Variants in NBEAL1 observed in about 807,000 individuals in gnomAD.
NBEAL1 encodes neurobeachin-like protein 1.
A neutral mutation model predicts 351.3 loss-of-function variants in NBEAL1; 273 were observed. The observed-to-expected ratio is 0.78, with a 90% CI of 0.70 to 0.86. The LOEUF is 0.86. NBEAL1 is among the 40% of genes least tolerant of loss of function. The pLI is 0.00. For missense variants in NBEAL1, 2,961 were observed against 3,201.3 expected (o/e 0.92, Z 1.81); for synonymous variants, 1,050 against 1,086.4 (o/e 0.97, Z 0.66).
Position 203,218,002 on chromosome 2 carries a change from T to TC in NBEAL1, c.*648_*649insC. ...AGAAAAAAGTGGAACTAGAGATACA[T>TC]TTTACAGATGTATTTCCTTAATAAT... On this transcript the variant is annotated 3_prime_UTR_variant, in exon 56 of 56. Coordinates refer to ENST00000683969, the MANE Select transcript of NBEAL1 (RefSeq NM_001378026.1). 1.2e-6 allele frequency: 1 copy of TC among 817,030 alleles called. No homozygotes were observed. Among genetic ancestry groups the TC allele is most frequent in the Non-Finnish European group, 1.5e-6 (1 of 676,524 alleles). 50.6% of individuals were successfully genotyped at this position (817,030 alleles called of 1,614,324 possible). A position where few individuals can be genotyped will look rare whatever the true frequency, so the allele number is the denominator to read the frequency against.
chr2:203,217,237 G>A lies in NBEAL1; in HGVS notation c.8071-16G>A. ...CTTAATATTTATTCTTCATTTCTTT[G>A]GATTACTTTACACAGATGCGTTCAG... On this transcript the variant is annotated splice_polypyrimidine_tract_variant and intron_variant, in intron 55 of 55. Transcript: ENST00000683969. The A allele has an allele frequency of 1.4e-6, 2 of 1,458,410 alleles. No homozygotes were observed. The highest frequency in any genetic ancestry group is 1.5e-5 in the South Asian group (1 of 65,458). The allele number at this position is 1,458,410 out of a possible 1,614,324, so 90.3% of individuals were successfully genotyped here.
At chr2:203,096,003 C>T (rs749556843) in intron 10 of NBEAL1, among the ~76,000 whole-genome samples, 34 of 152,114 alleles carry the variant, frequency 2.2e-4, no homozygotes, top group Non-Finnish European at 2.9e-4. Context: ...GTGATCCGCC[C>T]ACCTCAGCCT....
Position 203,193,891 on chromosome 2 carries a change from C to T in NBEAL1, c.7018C>T (p.Leu2340Phe). The T allele has an allele frequency of 1.2e-6, 2 of 1,605,918 alleles. No individual in the cohort carries two copies. Among genetic ancestry groups the T allele is most frequent in the Non-Finnish European group, 1.7e-6 (2 of 1,174,576 alleles). The change falls in exon 47 of 56, where the codon CTC becomes TTC. Residue 2340 changes from leucine to phenylalanine, a missense_variant. Coordinates refer to ENST00000683969, the MANE Select transcript of NBEAL1 (RefSeq NM_001378026.1). The stretch of plus-strand genomic sequence containing the variant: ...AAACCTGTTTCAACACCTTCCTGAA[C>T]TCAAGTCATTTTTTATAGAGGTAAT... ...TLNLFQHLPE[L>F]KSFFIEGISD...
intron 36 of NBEAL1, among the ~76,000 whole-genome samples, chr2:203,163,620 C>T (rs2064036214): frequency 6.6e-6 from 1 of 152,124 alleles, no homozygotes; most frequent in East Asian, 1.9e-4. Flanking sequence ...TTTTCCACTA[C>T]AGATTAATTT....
chr2:203,125,664 C>A, intron 20 of NBEAL1, 144 bp downstream of exon 20: 1 of 797,786 alleles, frequency 1.3e-6, no homozygotes. Context: ...TAATATCATT[C>A]AGAAAGTTTA....
chr2:203,065,620 C>T (rs1259305688), intron 6 of NBEAL1, among the ~76,000 whole-genome samples: 8 of 151,994 alleles, frequency 5.3e-5, no homozygotes, highest in Non-Finnish European at 7.4e-5. Context: ...GGTGTGGTGG[C>T]GGGCGCCTGT....
chr2:203,216,248 T>C (rs373478403), intron 55 of NBEAL1, among the ~76,000 whole-genome samples: 5 of 152,196 alleles, frequency 3.3e-5, no homozygotes, highest in African/African-American at 1.2e-4. Context: ...TTCAAGGGGC[T>C]TATGCTCTCC....
chr2:203,188,549 A>G lies in NBEAL1; in HGVS notation c.6783A>G (p.Ala2261=). ...IFGYKQRGPA[A]VEALNVFYYC... is the part of the protein sequence containing the mutation. Reference sequence around the variant, plus strand: ...GCTATAAACAGAGGGGACCAGCTGCAGTAGAGGCACTCAACGTTTTCTATT... The same window carrying G: ...GCTATAAACAGAGGGGACCAGCTGCGGTAGAGGCACTCAACGTTTTCTATT... The change falls in exon 45 of 56, where the codon GCA becomes GCG. Residue 2261 remains alanine (A), a synonymous_variant. Transcript: ENST00000683969. The G allele has an allele frequency of 1.2e-6, 2 of 1,609,566 alleles. No individual in the cohort carries two copies. Among genetic ancestry groups the G allele is most frequent in the Non-Finnish European group, 1.7e-6 (2 of 1,177,900 alleles).
At chr2:203,140,277 T>C (rs1356451919) in intron 31 of NBEAL1, among the ~76,000 whole-genome samples, 1 of 148,006 alleles carries the variant, frequency 6.8e-6, no homozygotes, top group Non-Finnish European at 1.5e-5. Context: ...CACTCCAGCC[T>C]GGGCAACAAG....
Position 203,188,483 on chromosome 2 carries a change from T to A in NBEAL1, c.6717T>A (p.Tyr2239Ter), listed in dbSNP as rs780589511. The A allele has an allele frequency of 1.3e-6, 2 of 1,564,524 alleles. No homozygotes were observed. Among genetic ancestry groups the A allele is most frequent in the Middle Eastern group, 1.8e-4 (1 of 5,702 alleles). Residue 2239 changes from tyrosine (Y) to a stop codon, truncating the protein, a stop_gained, in exon 45 of 56, where the codon TAT becomes TAA. Coordinates refer to ENST00000683969, the MANE Select transcript of NBEAL1 (RefSeq NM_001378026.1). LOFTEE classifies it high-confidence loss of function. ...TATTCTTTTTCTAGGAGTCTGAATA[T>A]GTTTCAGCTCATCTTCATGAATGGA... Reference protein sequence around the residue: ...YKHRKALESEYVSAHLHEWID... With the variant: ...YKHRKALESE
rs1273041469 is a variant in NBEAL1 at position 203,056,566 on chromosome 2, T to C, written c.387+58T>C. 7 of 938,172 alleles carry C rather than the reference T, an allele frequency of 7.5e-6. No individual in the cohort carries two copies. In the Admixed American group the frequency reaches 1.5e-4, roughly 20 times the overall value. 58.1% of individuals were successfully genotyped at this position (938,172 alleles called of 1,614,324 possible). On this transcript the variant is annotated intron_variant, in intron 5 of 55. Transcript: ENST00000683969. Reference sequence around the variant, plus strand: ...CTGAGAACAACTAGGTTTTACTTTTTGTTTGTTTGTTTGTTTTGAGATGGA... The same window carrying C: ...CTGAGAACAACTAGGTTTTACTTTTCGTTTGTTTGTTTGTTTTGAGATGGA...
In NBEAL1 at chr2:203,176,186, T is replaced by C. The variant is rs1018815453; in HGVS notation, c.6464+899T>C. On this transcript the variant is annotated intron_variant, in intron 42 of 55. Coordinates refer to ENST00000683969, the MANE Select transcript of NBEAL1 (RefSeq NM_001378026.1). ...TTTATTGCATCTTTTTTTTTTTTTT[T>C]TTTTTGAGACAGAGTCTCACTCCTT... Among the ~76,000 whole-genome samples, 9 of 150,660 alleles carry C rather than the reference T, an allele frequency of 6.0e-5. 1 individual carries two copies. Among genetic ancestry groups the C allele is most frequent in the African/African-American group, 2.2e-4 (9 of 41,152 alleles).
intron 55 of NBEAL1, among the ~76,000 whole-genome samples, chr2:203,214,618 T>C (rs1221117341): frequency 3.9e-5 from 6 of 151,996 alleles, no homozygotes; most frequent in Admixed American, 2.0e-4. Context: ...CTACTAAAAA[T>C]ACAAAAATTA....
At chr2:203,076,073 G>A (rs2061766354) in intron 7 of NBEAL1, among the ~76,000 whole-genome samples, 1 of 152,176 alleles carries the variant, frequency 6.6e-6, no homozygotes, top group African/African-American at 2.4e-5. Context: ...AAAGAAAGGG[G>A]AAAAGCATAG....
intron 34 of NBEAL1, 64 bp from the exon 35 acceptor site, chr2:203,151,401 A>T: frequency 8.2e-7 from 1 of 1,221,084 alleles, no homozygotes; most frequent in Non-Finnish European, 1.1e-6. Context: ...TACATTATTT[A>T]AATCAAACAA....
chr2:203,148,576 G>A (rs182405143), intron 33 of NBEAL1, among the ~76,000 whole-genome samples: 1 of 152,020 alleles, frequency 6.6e-6, no homozygotes, highest in Non-Finnish European at 1.5e-5. Context: ...TTAAAATTAT[G>A]TCTTTGTAGT....
At chr2:203,014,641 G>A (rs1413091999), upstream of NBEAL1, 1 of 152,278 alleles carries the variant, frequency 6.6e-6, no homozygotes, top group Non-Finnish European at 1.5e-5. Context: ...GGGAAGGCTC[G>A]TTTCAGTGCC....
At position 203,167,274 on chromosome 2, in the gene NBEAL1, C is replaced by G. The variant is rs1276483693; in HGVS notation, c.5911C>G (p.His1971Asp). 6.2e-7 allele frequency: 1 copy of G among 1,611,972 alleles called. No individual in the cohort carries two copies. Among genetic ancestry groups the G allele is most frequent in the South Asian group, 1.1e-5 (1 of 90,600 alleles). Residue 1971 changes from histidine (H) to aspartate (D), a missense_variant, in exon 38 of 56, where the codon CAT becomes GAT. Coordinates refer to ENST00000683969, the MANE Select transcript of NBEAL1 (RefSeq NM_001378026.1). ...KWPHSQIREI[H>D]LRRYNLRRSA... The stretch of plus-strand genomic sequence containing the variant: ...GCCTCATTCTCAAATTCGAGAGATT[C>G]ATCTCCGGCGTTACAATTTAAGAAG...
intron 49 of NBEAL1, among the ~76,000 whole-genome samples, chr2:203,200,048 A>G (rs1427045138): frequency 1.3e-5 from 2 of 152,150 alleles, no homozygotes; most frequent in Non-Finnish European, 1.5e-5. Context: ...CTTACACTGA[A>G]TTGTCCTGTT....
Sources: allele counts gnomAD v4.1 joint callset (sites outside exome capture counted in the v4.1 genomes callset), GRCh38; gene constraint gnomAD v4.1.1; transcripts MANE v1.5; gene names NCBI Gene and HGNC (gene_info 2026-07-23, HGNC 2026-07-21).